ZC3H12B: variants seen among roughly 807,000 people sequenced by gnomAD.
The protein encoded by ZC3H12B is probable ribonuclease ZC3H12B.
Under a neutral mutation model 43.9 loss-of-function variants are expected in ZC3H12B, and 7 were observed. That is an observed-to-expected ratio of 0.16 (90% CI 0.09 to 0.30). ZC3H12B has a LOEUF of 0.30. Among genes scored for constraint, ZC3H12B ranks in the 10% least tolerant of loss-of-function variants. The pLI, the probability that ZC3H12B is intolerant of heterozygous loss-of-function variation, is 1.00. For synonymous variants in ZC3H12B, 222 were observed against 241.7 expected (o/e 0.92, Z 0.76); for missense variants, 475 against 670.2 (o/e 0.71, Z 3.22).
chrX:65,114,495 A>T, the ZC3H12B span, among the ~76,000 whole-genome samples: 1 of 110,084 alleles, frequency 9.1e-6, no homozygotes, highest in East Asian at 2.9e-4. Context: ...TAAACAGTTT[A>T]TTTTACCTAA....
At chrX:65,506,325 C>T (rs941088996) in exon 5 of ZC3H12B, 18 of 112,593 alleles carry the variant, frequency 1.6e-4, no homozygotes, top group Admixed American at 9.4e-4. Context: ...AGCTATACAA[C>T]TATGAATACA....
chrX:65,152,940 C>A, the ZC3H12B span, among the ~76,000 whole-genome samples: 1 of 111,794 alleles, frequency 8.9e-6, no homozygotes, highest in Non-Finnish European at 1.9e-5. Context: ...ATATCTACAA[C>A]TATCTGATCT....
At chrX:65,467,376 A>G (rs1392099690) in intron 3 of ZC3H12B, among the ~76,000 whole-genome samples, 2 of 111,190 alleles carry the variant, frequency 1.8e-5, no homozygotes, top group Non-Finnish European at 3.8e-5. Flanking sequence ...TGTTGGTTCT[A>G]TATCTTTTCA....
chrX:65,183,550 A>T, the ZC3H12B span, among the ~76,000 whole-genome samples: 1 of 111,820 alleles, frequency 8.9e-6, no homozygotes, highest in East Asian at 2.8e-4. Context: ...ATCCTGAAAT[A>T]AAAGTTAAGA....
chrX:65,356,903 A>G, the ZC3H12B span: 1 of 384,174 alleles, frequency 2.6e-6, no homozygotes. Flanking sequence ...TGGATAATTG[A>G]AGATCTGTTT....
At chrX:65,065,140 C>T in the ZC3H12B span, among the ~76,000 whole-genome samples, 2 of 110,461 alleles carry the variant, frequency 1.8e-5, no homozygotes, top group South Asian at 3.8e-4. Flanking sequence ...AGCCCATTTA[C>T]TTTTAAGGTC....
chrX:65,324,185 G>A, the ZC3H12B span, among the ~76,000 whole-genome samples: 12 of 112,034 alleles, frequency 1.1e-4, no homozygotes, highest in African/African-American at 3.9e-4. Context: ...CTGTGCAGAA[G>A]CTCTCTAAGT....
chrX:65,059,463 G>A, the ZC3H12B span, among the ~76,000 whole-genome samples: 10 of 111,095 alleles, frequency 9.0e-5, no homozygotes, highest in Admixed American at 2.9e-4. Flanking sequence ...TCCCAGCACC[G>A]TTTATGGAAG....
chrX:65,066,242 A>C, the ZC3H12B span, among the ~76,000 whole-genome samples: 1 of 111,405 alleles, frequency 9.0e-6, no homozygotes, highest in African/African-American at 3.3e-5. Context: ...TGGAATTTTT[A>C]GCATTTTTGC....
the ZC3H12B span, among the ~76,000 whole-genome samples, chrX:65,144,900 C>G: frequency 9.0e-6 from 1 of 111,731 alleles, no homozygotes; most frequent in East Asian, 2.8e-4. Context: ...TTTGGTCTAT[C>G]TTGGAGAAAG....
intron 2 of ZC3H12B, among the ~76,000 whole-genome samples, chrX:65,388,887 G>A (rs2066569722): frequency 8.9e-6 from 1 of 112,182 alleles, no homozygotes; most frequent in African/African-American, 3.2e-5. Flanking sequence ...GTCTGTTGCA[G>A]TTTGGCAGAG....
exon 3 of ZC3H12B, chrX:65,499,013 C>A (rs758096863): frequency 8.3e-7 from 1 of 1,206,550 alleles, no homozygotes; most frequent in South Asian, 1.8e-5. Flanking sequence ...AGATATTCTA[C>A]GAAAACTGGA....
the ZC3H12B span, among the ~76,000 whole-genome samples, chrX:65,094,946 G>C: frequency 8.9e-6 from 1 of 111,884 alleles, no homozygotes; most frequent in African/African-American, 3.2e-5. Context: ...AGATAAACTA[G>C]TTATGCAGAC....
chrX:65,047,687 G>A, the ZC3H12B span, among the ~76,000 whole-genome samples: 3 of 110,306 alleles, frequency 2.7e-5, no homozygotes, highest in African/African-American at 9.8e-5. Context: ...ATATGTACTG[G>A]TATTTTCAAA....
chrX:65,216,771 G>C, the ZC3H12B span, among the ~76,000 whole-genome samples: 14 of 112,107 alleles, frequency 1.2e-4, no homozygotes, highest in African/African-American at 3.9e-4. Context: ...GCTGAGCCAT[G>C]CTAAAAATAT....
the ZC3H12B span, among the ~76,000 whole-genome samples, chrX:65,291,552 C>A: frequency 8.9e-6 from 1 of 111,983 alleles, no homozygotes; most frequent in Non-Finnish European, 1.9e-5. Flanking sequence ...CACAGAATGA[C>A]AATTACTATA....
the ZC3H12B span, among the ~76,000 whole-genome samples, chrX:65,289,623 A>G: frequency 7.3e-5 from 8 of 110,049 alleles, no homozygotes; most frequent in East Asian, 2.8e-4. Flanking sequence ...CCAAAACAGC[A>G]TGGTATTGGT....
At chrX:65,049,320 T>G in the ZC3H12B span, among the ~76,000 whole-genome samples, 1 of 111,715 alleles carries the variant, frequency 9.0e-6, no homozygotes, top group Admixed American at 9.5e-5. Flanking sequence ...CAGTTAAGTC[T>G]TTAATCCATA....
At chrX:65,255,888 C>T in the ZC3H12B span, among the ~76,000 whole-genome samples, 2 of 111,974 alleles carry the variant, frequency 1.8e-5, no homozygotes, top group Non-Finnish European at 3.8e-5. Flanking sequence ...GGTTGCTATT[C>T]TAATTTCAGA....
Sources: allele counts gnomAD v4.1 joint callset (sites outside exome capture counted in the v4.1 genomes callset), GRCh38; gene constraint gnomAD v4.1.1; transcripts MANE v1.5; gene names NCBI Gene and HGNC (gene_info 2026-07-23, HGNC 2026-07-21).